PDE8A: variants seen among roughly 807,000 people sequenced by gnomAD.
PDE8A encodes phosphodiesterase 8A.
In PDE8A, 59 loss-of-function variants were observed where a neutral mutation model predicts 105.0. The observed-to-expected ratio is 0.56, with a 90% CI of 0.46 to 0.70. The LOEUF (loss-of-function observed/expected upper bound fraction) is 0.70. Ranked by LOEUF, PDE8A falls within the 30% of genes least tolerant of loss-of-function variation. The pLI is 0.00. For missense variants in PDE8A, 1,014 were observed against 1,045.9 expected, an observed-to-expected ratio of 0.97 and a Z score of 0.42; for synonymous variants, 355 against 371.9, an observed-to-expected ratio of 0.95 and a Z score of 0.52.
At chr15:85,054,220 C>T (rs1596475129) in intron 1 of PDE8A, among the ~76,000 whole-genome samples, 2 of 152,248 alleles carry the variant, frequency 1.3e-5, no homozygotes, top group South Asian at 2.1e-4. Context: ...TTCAGTTTGC[C>T]AGTATTTTAT....
intron 1 of PDE8A, among the ~76,000 whole-genome samples, chr15:85,037,325 G>A (rs1009755095): frequency 6.6e-6 from 1 of 151,952 alleles, no homozygotes; most frequent in Non-Finnish European, 1.5e-5. Flanking sequence ...TCTGCCTCCC[G>A]AAGTGCTGGG....
At chr15:85,115,918 T>C in intron 15 of PDE8A, 66 bp from the exon 16 acceptor site, 2 of 860,840 alleles carry the variant, frequency 2.3e-6, no homozygotes, top group South Asian at 1.5e-5. Context: ...AGATTCCGTC[T>C]CAAAAAAAAA....
At chr15:84,986,447 A>G (rs762179650) in intron 1 of PDE8A, among the ~76,000 whole-genome samples, 4 of 151,638 alleles carry the variant, frequency 2.6e-5, no homozygotes, top group South Asian at 2.1e-4. Context: ...TCCCACTTCC[A>G]TCTTCCTCCT....
chr15:85,059,762 C>CT (rs1335524400), intron 1 of PDE8A, among the ~76,000 whole-genome samples: 7 of 152,196 alleles, frequency 4.6e-5, no homozygotes, highest in Admixed American at 2.0e-4. Flanking sequence ...CTGCCAATCT[C>CT]TGTCTTTTGA....
chr15:85,101,651 TGGAA>T (rs1203841458), intron 11 of PDE8A, among the ~76,000 whole-genome samples: 1 of 152,128 alleles, frequency 6.6e-6, no homozygotes, highest in Non-Finnish European at 1.5e-5. Context: ...TAAGATTACA[TGGAA>T]GGAGACACCA....
intron 1 of PDE8A, among the ~76,000 whole-genome samples, chr15:85,024,391 A>T (rs2080478593): frequency 6.6e-6 from 1 of 152,170 alleles, no homozygotes; most frequent in South Asian, 2.1e-4. Flanking sequence ...TCTCTCCTTA[A>T]TAGGTGACTT....
chr15:84,983,472 G>GTACGA (rs1037015103), intron 1 of PDE8A, among the ~76,000 whole-genome samples: 22 of 152,166 alleles, frequency 1.4e-4, no homozygotes, highest in African/African-American at 5.3e-4. Context: ...TACTTTTTCT[G>GTACGA]TACGAAAGGG....
At chr15:85,072,178 A>G (rs1035345076) in intron 3 of PDE8A, among the ~76,000 whole-genome samples, 1 of 152,200 alleles carries the variant, frequency 6.6e-6, no homozygotes, top group Non-Finnish European at 1.5e-5. Context: ...ATTCTTTTTC[A>G]TCTGAAACTC....
chr15:85,017,835 C>T (rs1378570071), intron 1 of PDE8A, among the ~76,000 whole-genome samples: 4 of 136,044 alleles, frequency 2.9e-5, no homozygotes, highest in African/African-American at 1.1e-4. Context: ...TGCAGTGAGC[C>T]GAGATCGCGC....
At chr15:85,006,823 A>G (rs1307996131) in intron 1 of PDE8A, among the ~76,000 whole-genome samples, 1 of 152,120 alleles carries the variant, frequency 6.6e-6, no homozygotes, top group Non-Finnish European at 1.5e-5. Flanking sequence ...TAGGGCATGT[A>G]TATGATGTCC....
chr15:85,072,515 T>C (rs1208819271), intron 3 of PDE8A, among the ~76,000 whole-genome samples: 2 of 152,222 alleles, frequency 1.3e-5, no homozygotes, highest in Admixed American at 6.5e-5. Flanking sequence ...GTGTATCTTC[T>C]GGAAAGTATA....
chr15:85,035,961 A>G (rs1273400215), intron 1 of PDE8A, among the ~76,000 whole-genome samples: 1 of 152,248 alleles, frequency 6.6e-6, no homozygotes, highest in Non-Finnish European at 1.5e-5. Context: ...GACATCTAGC[A>G]GTTGCTAATG....
At chr15:85,118,800 G>T (rs1199132025) in intron 17 of PDE8A, among the ~76,000 whole-genome samples, 1 of 152,220 alleles carries the variant, frequency 6.6e-6, no homozygotes, top group East Asian at 1.9e-4. Context: ...GCTCCTGGCT[G>T]CATTTCCTCC....
At chr15:85,037,008 T>C (rs1369971047) in intron 1 of PDE8A, among the ~76,000 whole-genome samples, 1 of 151,826 alleles carries the variant, frequency 6.6e-6, no homozygotes. Flanking sequence ...GGTCCTGCTA[T>C]TAGAGAGAGG....
chr15:85,068,184 G>A (rs902389306), intron 3 of PDE8A, among the ~76,000 whole-genome samples: 1 of 152,066 alleles, frequency 6.6e-6, no homozygotes, highest in African/African-American at 2.4e-5. Context: ...GGGATTACAG[G>A]CGCACACCAC....
intron 3 of PDE8A, among the ~76,000 whole-genome samples, chr15:85,071,430 G>A (rs928437157): frequency 5.9e-5 from 9 of 152,210 alleles, no homozygotes; most frequent in Admixed American, 5.2e-4. Flanking sequence ...AGGAAGAGAG[G>A]GATATGGACA....
intron 1 of PDE8A, among the ~76,000 whole-genome samples, chr15:85,014,089 C>T (rs1017828826): frequency 2.0e-5 from 3 of 152,124 alleles, no homozygotes; most frequent in Non-Finnish European, 2.9e-5. Context: ...AGATGATACA[C>T]GATCTTGTGA....
intron 9 of PDE8A, chr15:85,099,755 A>C (rs2081826916): frequency 2.2e-6 from 1 of 464,254 alleles, no homozygotes. Flanking sequence ...TCATTTTAAA[A>C]AATATGTATA....
chr15:85,088,872 C>T (rs189407383), intron 6 of PDE8A, among the ~76,000 whole-genome samples: 3 of 152,362 alleles, frequency 2.0e-5, no homozygotes, highest in African/African-American at 7.2e-5. Context: ...CAAAGCTAGT[C>T]TTTCCAGATG....
Sources: allele counts gnomAD v4.1 joint callset (sites outside exome capture counted in the v4.1 genomes callset), GRCh38; gene constraint gnomAD v4.1.1; transcripts MANE v1.5; gene names NCBI Gene and HGNC (gene_info 2026-07-23, HGNC 2026-07-21).